SLC30A5: variants seen among roughly 807,000 people sequenced by gnomAD.
The protein encoded by SLC30A5 is proton-coupled zinc antiporter SLC30A5.
In SLC30A5, 33 loss-of-function variants were observed where a neutral mutation model predicts 79.6. The observed-to-expected ratio is 0.41, with a 90% CI of 0.31 to 0.55. The LOEUF (loss-of-function observed/expected upper bound fraction) is 0.55, where lower values mean the gene tolerates loss of function less well. Ranked by LOEUF, SLC30A5 falls within the 20% of genes least tolerant of loss-of-function variation. The probability of loss-of-function intolerance (pLI) is 0.20; values close to 1 mark genes in which losing one functional copy is unlikely to be tolerated. For missense variants in SLC30A5, 788 were observed against 928.1 expected (o/e 0.85, Z 1.96); for synonymous variants, 299 against 319.7 (o/e 0.94, Z 0.69).
chr5:69,120,453 A>G (rs1472874716), intron 12 of SLC30A5, among the ~76,000 whole-genome samples: 1 of 152,156 alleles, frequency 6.6e-6, no homozygotes, highest in Non-Finnish European at 1.5e-5. Context: ...TGTTATGTGT[A>G]TGTATGTTAG....
chr5:69,104,241 G>A (rs1386515874), intron 3 of SLC30A5: 15 of 612,532 alleles, frequency 2.4e-5, no homozygotes, highest in Non-Finnish European at 3.4e-5. Flanking sequence ...GGGTTCAAGC[G>A]ATTCTCCTGC....
intron 12 of SLC30A5, among the ~76,000 whole-genome samples, chr5:69,118,996 T>C (rs927592885): frequency 3.3e-5 from 5 of 152,002 alleles, no homozygotes; most frequent in African/African-American, 9.7e-5. Context: ...AGATAGAGTT[T>C]CGCCATGTTG....
At chr5:69,108,580 G>A (rs1432510307) in intron 5 of SLC30A5, 144 bp downstream of exon 5, 1 of 702,292 alleles carries the variant, frequency 1.4e-6, no homozygotes, top group Non-Finnish European at 2.5e-6. Flanking sequence ...CCAACACTGT[G>A]GGAGGCTGAG....
At position 69,123,412 on chromosome 5, in the gene SLC30A5, T is replaced by C. The variant is rs1206510550; in HGVS notation, c.1985T>C (p.Ile662Thr). 7 of 1,612,498 alleles carry C rather than the reference T, an allele frequency of 4.3e-6. No individual in the cohort carries two copies. The highest frequency in any genetic ancestry group is 1.7e-6 in the Non-Finnish European group (2 of 1,178,804). ...CCAGAATATGAAAAAGAACTACATA[T>C]TGCTTTAGAAAAGGTACTGTATGTA... ...LPPEYEKELH[I>T]ALEKIQKIEG... Residue 662 changes from isoleucine to threonine, a missense_variant, in exon 14 of 16, where the codon ATT becomes ACT. Physicochemically the swap from Ile to Thr is moderately conservative, Grantham distance 89. This residue lies in a region of SLC30A5 where 158 missense variants were observed against 156.2 expected (regional missense o/e 1.01). Coordinates refer to ENST00000396591, the MANE Select transcript of SLC30A5 (RefSeq NM_022902.5).
chr5:69,109,453 G>A (rs530734139), intron 5 of SLC30A5, among the ~76,000 whole-genome samples: 2 of 151,818 alleles, frequency 1.3e-5, no homozygotes, highest in Admixed American at 1.3e-4. Context: ...ATGTATGTAT[G>A]TATGCATGTA....
rs372480428 is a variant in SLC30A5, at chr5:69,127,445, A to G, written c.1999-559A>G. 1.2e-4 allele frequency among the ~76,000 whole-genome samples: 18 copies of G among 146,686 alleles called. 2 individuals carry two copies. The highest frequency in any genetic ancestry group is 1.2e-3 in the East Asian group (6 of 5,002). On this transcript the variant is annotated intron_variant, in intron 14 of 15. Coordinates refer to ENST00000396591, the MANE Select transcript of SLC30A5 (RefSeq NM_022902.5). ...GGAGTTCGAGACCAGCCTGGGCAAC[A>G]TGGTGAAACCCCATCTGTACTAAAA...
At chr5:69,118,782 G>T (rs548369956) in intron 12 of SLC30A5, among the ~76,000 whole-genome samples, 154 bp downstream of exon 12, 9 of 147,036 alleles carry the variant, frequency 6.1e-5, no homozygotes, top group Admixed American at 2.0e-4. Context: ...CATTTATACT[G>T]CTCCCTCTTA....
intron 14 of SLC30A5, among the ~76,000 whole-genome samples, chr5:69,126,025 G>A (rs1015828417): frequency 4.6e-5 from 7 of 151,864 alleles, no homozygotes; most frequent in Non-Finnish European, 7.4e-5. Flanking sequence ...ACTCCAGCCT[G>A]GGCAACAGAG....
intron 12 of SLC30A5, among the ~76,000 whole-genome samples, chr5:69,119,211 TTTG>T (rs1746470378): frequency 1.3e-5 from 2 of 152,230 alleles, no homozygotes; most frequent in African/African-American, 4.8e-5. Context: ...CCATCAAGAT[TTTG>T]CTTATGTGAA....
chr5:69,113,226 C>G lies in SLC30A5; in HGVS notation c.534C>G (p.His178Gln). Reference sequence around the variant, plus strand: ...ATCTCATGGCTAAAATGGCTGAACACCGTATCCTTTTGGAATAGATCAGAG... The same window carrying G: ...ATCTCATGGCTAAAATGGCTGAACAGCGTATCCTTTTGGAATAGATCAGAG... ...NDDLMAKMAE[H>Q]PEGHHDSALT... Residue 178 changes from histidine (H) to glutamine (Q), a missense_variant and splice_region_variant, in exon 6 of 16, where the codon CAC (histidine) becomes CAG (glutamine). His to Gln is a conservative substitution (Grantham distance 24). This residue lies in a region of SLC30A5 where 626 missense variants were observed against 755.5 expected (regional missense o/e 0.83). Transcript: ENST00000396591. 6.2e-7 allele frequency: 1 copy of G among 1,611,658 alleles called. No homozygotes were observed. Among genetic ancestry groups the G allele is most frequent in the Non-Finnish European group, 8.5e-7 (1 of 1,178,454 alleles).
Position 69,094,298 on chromosome 5 carries a change from G to A in SLC30A5, c.43G>A (p.Gly15Ser). ...YGGDVLAGPG[G>S]GGGLGPVDVP... ...CGGGGACGTGCTGGCCGGCCCCGGCGGCGGCGGCGGCCTTGGGCCGGTGGA... is the reference window on the plus strand; with the variant it reads ...CGGGGACGTGCTGGCCGGCCCCGGCAGCGGCGGCGGCCTTGGGCCGGTGGA... Residue 15 changes from glycine to serine, a missense_variant, in exon 1 of 16, where the codon GGC becomes AGC. By Grantham distance (56) the Gly-to-Ser change is moderately conservative. Transcript: ENST00000396591. The A allele has an allele frequency of 7.9e-7, 1 of 1,259,560 alleles. No individual in the cohort carries two copies. The highest frequency in any genetic ancestry group is 1.0e-6 in the Non-Finnish European group (1 of 996,030). The allele number at this position is 1,259,560 out of a possible 1,614,324, so 78.0% of individuals were successfully genotyped here.
intron 5 of SLC30A5, among the ~76,000 whole-genome samples, chr5:69,111,456 C>T (rs1164802168): frequency 6.6e-6 from 1 of 151,880 alleles, no homozygotes; most frequent in Non-Finnish European, 1.5e-5. Context: ...AGGCACCTGC[C>T]ACTGCGCCTG....
chr5:69,101,475 C>CA (rs1335731024), intron 2 of SLC30A5, among the ~76,000 whole-genome samples: 6 of 151,466 alleles, frequency 4.0e-5, no homozygotes, highest in Non-Finnish European at 8.8e-5. Flanking sequence ...GACAGGGTTT[C>CA]ACCATGTTGG....
chr5:69,112,256 CA>C (rs1746253889), intron 5 of SLC30A5, among the ~76,000 whole-genome samples: 1 of 151,532 alleles, frequency 6.6e-6, no homozygotes, highest in Admixed American at 6.6e-5. Flanking sequence ...GAGATCGTGC[CA>C]TTGCACTCCA....
chr5:69,123,931 G>A (rs1008109918), intron 14 of SLC30A5, among the ~76,000 whole-genome samples: 4 of 151,920 alleles, frequency 2.6e-5, no homozygotes, highest in Admixed American at 1.3e-4. Flanking sequence ...GGCTAACAAG[G>A]TGAAACCCCG....
rs969921776 is a variant in SLC30A5, at chr5:69,129,671, T to C, written c.*54T>C. 20 of 1,459,436 alleles carry C rather than the reference T, an allele frequency of 1.4e-5. No individual in the cohort carries two copies. Among genetic ancestry groups the C allele is most frequent in the Non-Finnish European group, 1.9e-5 (20 of 1,079,794 alleles). 90.4% of individuals were successfully genotyped at this position (1,459,436 alleles called of 1,614,324 possible). A position where few individuals can be genotyped will look rare whatever the true frequency, so the allele number is the denominator to read the frequency against. On this transcript the variant is annotated 3_prime_UTR_variant, in exon 16 of 16. Coordinates refer to ENST00000396591, the MANE Select transcript of SLC30A5 (RefSeq NM_022902.5). The stretch of plus-strand genomic sequence containing the variant: ...AAACAATGAAGATTAAATGACTCAG[T>C]ATTTGTAATATTGCCAGAAGGATAA...
chr5:69,121,580 T>C (rs1746533204), intron 12 of SLC30A5, 114 bp from the exon 13 acceptor site: 1 of 728,088 alleles, frequency 1.4e-6, no homozygotes, highest in Non-Finnish European at 2.1e-6. Flanking sequence ...GGTTTTACTG[T>C]GAATACTTTC....
At chr5:69,123,535 A>C in intron 14 of SLC30A5, 110 bp downstream of exon 14, 1 of 775,416 alleles carries the variant, frequency 1.3e-6, no homozygotes, top group Non-Finnish European at 2.1e-6. Context: ...AACGAGGCCA[A>C]AAAAGAAATA....
In SLC30A5 at chr5:69,114,564, G is replaced by A. The variant is rs1057264078; in HGVS notation, c.612+68G>A. On this transcript the variant is annotated intron_variant, in intron 7 of 15. Coordinates refer to ENST00000396591, the MANE Select transcript of SLC30A5 (RefSeq NM_022902.5). ...AGTTGTAGCAACTATAACTATAAAG[G>A]TACATTTAAAATAAATTATCAGCTG... 8.8e-5 allele frequency: 89 copies of A among 1,015,292 alleles called. No homozygotes were observed. The African/African-American group carries it at 1.2e-3, about 14-fold the overall frequency. 62.9% of individuals were successfully genotyped at this position (1,015,292 alleles called of 1,614,324 possible). A position where few individuals can be genotyped will look rare whatever the true frequency, so the allele number is the denominator to read the frequency against.
Sources: gnomAD v4.1 joint callset for allele counts (sites outside exome capture counted in the v4.1 genomes callset) on GRCh38, gnomAD v4.1.1 for gene constraint, gnomAD v4.1.1 regional missense constraint, MANE v1.5 for transcripts, NCBI Gene and HGNC (gene_info 2026-07-23, HGNC 2026-07-21) for gene names.